The following CCDC3 variants were observed in gnomAD, a reference collection of about 807,000 sequenced individuals.
CCDC3 encodes the protein coiled-coil domain containing 3.
A neutral mutation model predicts 21.4 loss-of-function variants in CCDC3; 24 were observed. The observed-to-expected ratio is 1.12, with a 90% CI of 0.81 to 1.58. The LOEUF (loss-of-function observed/expected upper bound fraction) is 1.58, where lower values mean the gene tolerates loss of function less well. Ranked by LOEUF, CCDC3 falls within the 40% of genes most tolerant of loss-of-function variation. CCDC3 has a pLI of 0.00. For missense variants in CCDC3, 425 were observed against 360.9 expected, an observed-to-expected ratio of 1.18 and a Z score of -1.44; for synonymous variants, 186 against 166.0, an observed-to-expected ratio of 1.12 and a Z score of -0.93.
chr10:13,029,217 T>A (rs1270418277), intron 5 of CCDC3, among the ~76,000 whole-genome samples: 3 of 152,112 alleles, frequency 2.0e-5, no homozygotes, highest in African/African-American at 7.2e-5. Flanking sequence ...CAGGAAGCTG[T>A]CTCATCTTGT....
intron 4 of CCDC3, among the ~76,000 whole-genome samples, chr10:13,053,415 T>A (rs1402882721): frequency 6.6e-6 from 1 of 151,538 alleles, no homozygotes; most frequent in East Asian, 2.0e-4. Flanking sequence ...TGAAAAAATT[T>A]AAAATTTAGC....
chr10:13,054,354 A>C (rs1324491618), intron 4 of CCDC3, among the ~76,000 whole-genome samples: 1 of 151,818 alleles, frequency 6.6e-6, no homozygotes, highest in Non-Finnish European at 1.5e-5. Flanking sequence ...TACTCATCCT[A>C]TCCTACTCAT....
intron 2 of CCDC3, among the ~76,000 whole-genome samples, chr10:12,929,057 T>G (rs1834595730): frequency 6.6e-6 from 1 of 151,564 alleles, no homozygotes; most frequent in Admixed American, 6.6e-5. Context: ...AGGTCAGGAG[T>G]TCAAGACCAT....
chr10:12,915,662 T>C (rs1338454175), intron 2 of CCDC3, among the ~76,000 whole-genome samples: 1 of 152,142 alleles, frequency 6.6e-6, no homozygotes, highest in East Asian at 1.9e-4. Context: ...GGGCAGGCTG[T>C]CTTGTGTGGT....
intron 5 of CCDC3, among the ~76,000 whole-genome samples, chr10:13,034,118 T>A (rs886847528): frequency 2.6e-5 from 4 of 152,014 alleles, no homozygotes; most frequent in African/African-American, 9.7e-5. Context: ...ATAGATTAGA[T>A]TAAGAAAATG....
rs1402816487 is a variant in CCDC3 at position 12,983,128 on chromosome 10, GTGTATA to G, written c.549+15204_549+15209del. Among the ~76,000 whole-genome samples the G allele has an allele frequency of 6.9e-3, 810 of 117,754 alleles. 29 individuals are homozygous for G. Among genetic ancestry groups the G allele is most frequent in the South Asian group, 0.021 (72 of 3,478 alleles). The allele number at this position is 117,754 out of a possible 152,430, so 77.3% of individuals were successfully genotyped here. A position where few individuals can be genotyped will look rare whatever the true frequency, so the allele number is the denominator to read the frequency against. Reference sequence around the variant, plus strand: ...AAAAAATAAATAAATAAATAAAATAGTGTATATATATATATATATATATATATATAT... The same window carrying G: ...AAAAAATAAATAAATAAATAAAATAGTATATATATATATATATATATATAT... On this transcript the variant is annotated intron_variant, in intron 2 of 2. Transcript: ENST00000378825.
chr10:13,037,836 A>G (rs1317276568), intron 5 of CCDC3, among the ~76,000 whole-genome samples: 1 of 152,086 alleles, frequency 6.6e-6, no homozygotes, highest in South Asian at 2.1e-4. Flanking sequence ...GCATCCTTTG[A>G]TCTTGTAGGC....
chr10:12,988,199 G>T (rs899842028), intron 2 of CCDC3, among the ~76,000 whole-genome samples: 1 of 152,048 alleles, frequency 6.6e-6, no homozygotes, highest in South Asian at 2.1e-4. Flanking sequence ...CCTCGAGAAG[G>T]CCAAGCCATT....
intron 5 of CCDC3, among the ~76,000 whole-genome samples, chr10:13,043,454 G>T (rs7915806): frequency 6.6e-6 from 1 of 151,976 alleles, no homozygotes; most frequent in East Asian, 1.9e-4. Context: ...TTAGCCAGGC[G>T]TGGTGATGTG....
chr10:12,931,257 G>T (rs1260905179), intron 2 of CCDC3, among the ~76,000 whole-genome samples: 1 of 147,956 alleles, frequency 6.8e-6, no homozygotes, highest in African/African-American at 2.5e-5. Context: ...CAAGTCTGCC[G>T]TATTCATAAG....
intron 2 of CCDC3, among the ~76,000 whole-genome samples, chr10:12,978,669 C>T (rs1835453261): frequency 1.3e-5 from 2 of 152,128 alleles, no homozygotes; most frequent in African/African-American, 4.8e-5. Flanking sequence ...GGACCACACC[C>T]AGGGAGCAAA....
At chr10:12,930,574 C>T (rs1028344350) in intron 2 of CCDC3, among the ~76,000 whole-genome samples, 3 of 152,194 alleles carry the variant, frequency 2.0e-5, no homozygotes, top group African/African-American at 2.4e-5. Flanking sequence ...ATAGTGGCTG[C>T]TTCCATTGGG....
At chr10:12,978,413 T>C (rs1835448086) in intron 2 of CCDC3, among the ~76,000 whole-genome samples, 1 of 152,246 alleles carries the variant, frequency 6.6e-6, no homozygotes, top group African/African-American at 2.4e-5. Flanking sequence ...AATGTGCTAC[T>C]ACCCTCCTTT....
intron 2 of CCDC3, among the ~76,000 whole-genome samples, chr10:12,985,906 T>C (rs539016647): frequency 6.3e-4 from 96 of 152,274 alleles, no homozygotes; most frequent in African/African-American, 2.0e-3. Context: ...GACGGAGTTT[T>C]GCTCTGTCGC....
chr10:13,012,162 C>T (rs2131399288), intron 5 of CCDC3, among the ~76,000 whole-genome samples: 1 of 152,234 alleles, frequency 6.6e-6, no homozygotes, highest in East Asian at 1.9e-4. Context: ...ACGAACATGC[C>T]AAAAGCAATT....
Position 12,898,425 on chromosome 10 carries a change from C to A in CCDC3, c.804G>T (p.Leu268=). 1 of 1,600,022 alleles carries A rather than the reference C, an allele frequency of 6.2e-7. No individual in the cohort carries two copies. Among genetic ancestry groups the A allele is most frequent in the Non-Finnish European group, 8.5e-7 (1 of 1,171,660 alleles). Residue 268 remains leucine (L), a synonymous_variant, in exon 3 of 3, where the codon CTG becomes CTT. Transcript: ENST00000378825. ...GCAGCCCCCAGGCCCGTTACCCCCGCAGGTAGGGGGGGCGCACGGGCCCCC... is the reference window on the plus strand; with the variant it reads ...GCAGCCCCCAGGCCCGTTACCCCCGAAGGTAGGGGGGGCGCACGGGCCCCC... ...NARGPVRPPY[L]RG
At chr10:13,079,197 T>A (rs560265426) in intron 3 of CCDC3, among the ~76,000 whole-genome samples, 1 of 152,308 alleles carries the variant, frequency 6.6e-6, no homozygotes, top group African/African-American at 2.4e-5. Context: ...ATTTTACATA[T>A]AACAAAATGG....
At chr10:13,030,090 A>T (rs1393193288) in intron 5 of CCDC3, among the ~76,000 whole-genome samples, 2 of 152,232 alleles carry the variant, frequency 1.3e-5, no homozygotes. Context: ...GCAGCCAGAG[A>T]GAAAGGTTGG....
chr10:12,992,077 A>G (rs534500831), intron 2 of CCDC3, among the ~76,000 whole-genome samples: 26 of 151,894 alleles, frequency 1.7e-4, no homozygotes, highest in African/African-American at 3.9e-4. Context: ...TAAAAAAAAA[A>G]AAAGAAAGAA....
Sources: gnomAD v4.1 joint callset for allele counts (sites outside exome capture counted in the v4.1 genomes callset) on GRCh38, gnomAD v4.1.1 for gene constraint, MANE v1.5 for transcripts, NCBI Gene and HGNC (gene_info 2026-07-23, HGNC 2026-07-21) for gene names.